Variants in NCALD observed in about 807,000 individuals in gnomAD.
NCALD encodes neurocalcin delta.
A neutral mutation model predicts 18.6 loss-of-function variants in NCALD; 10 were observed. That is an observed-to-expected ratio of 0.54 (90% CI 0.33 to 0.91). The LOEUF (loss-of-function observed/expected upper bound fraction) is 0.91. Among genes scored for constraint, NCALD ranks in the 40% least tolerant of loss-of-function variants. The pLI, the probability that NCALD is intolerant of heterozygous loss-of-function variation, is 0.03. For missense variants in NCALD, 184 were observed against 247.6 expected (o/e 0.74, Z 1.72); for synonymous variants, 88 against 87.4 (o/e 1.01, Z -0.04).
intron 1 of NCALD, among the ~76,000 whole-genome samples, chr8:102,050,935 A>G (rs1438280910): frequency 6.8e-6 from 1 of 147,494 alleles, no homozygotes; most frequent in African/African-American, 2.5e-5. Flanking sequence ...ATATATAAAT[A>G]AATTTTTGTA....
chr8:101,772,187 C>T (rs1196621031), intron 1 of NCALD, among the ~76,000 whole-genome samples: 2 of 152,140 alleles, frequency 1.3e-5, no homozygotes, highest in Non-Finnish European at 1.5e-5. Context: ...GTTTGGGAAA[C>T]GTGTCTTATC....
intron 1 of NCALD, among the ~76,000 whole-genome samples, chr8:102,097,433 G>A (rs768886227): frequency 7.2e-5 from 11 of 152,206 alleles, no homozygotes; most frequent in Non-Finnish European, 1.2e-4. Flanking sequence ...GGGTGCTTAA[G>A]TGCATGGTGA....
At chr8:101,940,066 GTTCTT>G (rs1446871133) in intron 2 of NCALD, among the ~76,000 whole-genome samples, 1 of 152,118 alleles carries the variant, frequency 6.6e-6, no homozygotes, top group Non-Finnish European at 1.5e-5. Context: ...TATCATGTAT[GTTCTT>G]TTCAAGGTTA....
intron 2 of NCALD, among the ~76,000 whole-genome samples, chr8:101,919,826 A>G (rs1281951542): frequency 6.6e-6 from 1 of 152,230 alleles, no homozygotes. Flanking sequence ...TCAAAACCAC[A>G]ATGGGATACC....
intron 3 of NCALD, among the ~76,000 whole-genome samples, chr8:101,906,799 C>A (rs544849198): frequency 6.6e-6 from 1 of 152,284 alleles, no homozygotes; most frequent in South Asian, 2.1e-4. Flanking sequence ...GTGGACATCA[C>A]CCCAGAGCAA....
At chr8:101,877,313 G>A (rs562628020) in intron 4 of NCALD, among the ~76,000 whole-genome samples, 16 of 152,276 alleles carry the variant, frequency 1.1e-4, no homozygotes, top group African/African-American at 3.1e-4. Context: ...GGTTGCTTAG[G>A]GTGAGCTGCT....
chr8:101,694,634 G>A (rs919322923), intron 2 of NCALD, among the ~76,000 whole-genome samples: 1 of 152,084 alleles, frequency 6.6e-6, no homozygotes, highest in Non-Finnish European at 1.5e-5. Context: ...TGTCCCTGGG[G>A]TAAGCTGAGC....
intron 2 of NCALD, among the ~76,000 whole-genome samples, chr8:101,945,147 T>G (rs1279883052): frequency 6.6e-6 from 1 of 152,230 alleles, no homozygotes; most frequent in African/African-American, 2.4e-5. Context: ...GCCTCAGTAA[T>G]GTATGCAAAA....
At chr8:101,932,071 T>A (rs1389214708) in intron 2 of NCALD, among the ~76,000 whole-genome samples, 1 of 152,168 alleles carries the variant, frequency 6.6e-6, no homozygotes, top group Non-Finnish European at 1.5e-5. Flanking sequence ...CTAAGCTACA[T>A]CCCACCTACC....
intron 1 of NCALD, among the ~76,000 whole-genome samples, chr8:102,117,978 C>T (rs80325997): frequency 0.063 from 9,524 of 152,260 alleles, 427 homozygotes; most frequent in Non-Finnish European, 0.093. Context: ...GCACTAGCTC[C>T]CAATGTTGGT....
chr8:101,796,354 G>A (rs1161384954), intron 4 of NCALD, among the ~76,000 whole-genome samples: 1 of 152,000 alleles, frequency 6.6e-6, no homozygotes, highest in Non-Finnish European at 1.5e-5. Context: ...AATCTCTGAG[G>A]AAAAAATAGG....
intron 2 of NCALD, among the ~76,000 whole-genome samples, chr8:101,927,667 A>T (rs893610648): frequency 4.6e-5 from 7 of 152,194 alleles, no homozygotes; most frequent in African/African-American, 1.7e-4. Context: ...AAGTGGAAAA[A>T]TTAGGCTAGA....
In NCALD at chr8:102,108,049, A is replaced by C. The variant is rs1329367290; in HGVS notation, c.-210+16188T>G. Among the ~76,000 whole-genome samples, 4 of 152,096 alleles carry C rather than the reference A, an allele frequency of 2.6e-5. 1 individual carries two copies. Among genetic ancestry groups the C allele is most frequent in the Admixed American group, 2.6e-4 (4 of 15,284 alleles). On this transcript the variant is annotated intron_variant, in intron 1 of 6. Transcript: ENST00000311028. ...CACTTGGCCGCCAGCAGAGAAGGCA[A>C]AAAGCAGGAACTAGAGGCCAGCAAG...
intron 1 of NCALD, among the ~76,000 whole-genome samples, chr8:102,047,194 C>T (rs1359139900): frequency 1.3e-5 from 2 of 152,134 alleles, no homozygotes; most frequent in Non-Finnish European, 2.9e-5. Context: ...ATAGGTACTG[C>T]GTTTTCTTTA....
chr8:101,985,110 C>A (rs1490561915), intron 2 of NCALD, among the ~76,000 whole-genome samples: 1 of 152,182 alleles, frequency 6.6e-6, no homozygotes, highest in Non-Finnish European at 1.5e-5. Context: ...ATATTACAAC[C>A]CCTGATGTTC....
intron 3 of NCALD, among the ~76,000 whole-genome samples, chr8:101,893,625 C>T (rs13255167): frequency 0.013 from 1,533 of 121,238 alleles, 9 homozygotes; most frequent in Non-Finnish European, 0.017. Flanking sequence ...ACCCATCTCA[C>T]GTGCAGAGAC....
At chr8:101,835,037 C>T (rs1814353048) in intron 4 of NCALD, among the ~76,000 whole-genome samples, 1 of 152,192 alleles carries the variant, frequency 6.6e-6, no homozygotes, top group South Asian at 2.1e-4. Flanking sequence ...TTAACTGGGT[C>T]AAAAGTTTCC....
chr8:102,014,858 C>G (rs1822027668), intron 2 of NCALD, among the ~76,000 whole-genome samples: 1 of 152,094 alleles, frequency 6.6e-6, no homozygotes, highest in Non-Finnish European at 1.5e-5. Context: ...TTCTAGTACA[C>G]AAGAATTACT....
intron 2 of NCALD, among the ~76,000 whole-genome samples, chr8:101,984,036 G>T (rs571319907): frequency 2.0e-4 from 31 of 152,246 alleles, no homozygotes; most frequent in Admixed American, 8.5e-4. Context: ...TTTCCTGCCT[G>T]GACCCTGTGA....
Sources: gnomAD v4.1 joint callset for allele counts (sites outside exome capture counted in the v4.1 genomes callset) on GRCh38, gnomAD v4.1.1 for gene constraint, MANE v1.5 for transcripts, NCBI Gene and HGNC (gene_info 2026-07-23, HGNC 2026-07-21) for gene names.